The following ACADM variants were observed in gnomAD, a reference collection of about 807,000 sequenced individuals.
The protein encoded by ACADM is medium-chain specific acyl-CoA dehydrogenase, mitochondrial.
In ACADM, 49 loss-of-function variants were observed where a neutral mutation model predicts 58.9. The ratio of observed to expected loss-of-function variants is 0.83; its 90% CI spans 0.66 to 1.06. The LOEUF is 1.06. Ranked by LOEUF, ACADM falls within the 50% of genes least tolerant of loss-of-function variation. ACADM has a pLI of 0.00. For missense variants in ACADM, 496 were observed against 507.0 expected (o/e 0.98, Z 0.21); for synonymous variants, 160 against 157.7 (o/e 1.01, Z -0.11).
chr1:75,739,021 T>A (rs1331489808), intron 6 of ACADM, among the ~76,000 whole-genome samples: 1 of 152,224 alleles, frequency 6.6e-6, no homozygotes, highest in African/African-American at 2.4e-5. Context: ...GTCTTACCAT[T>A]CCCTTACATG....
intron 10 of ACADM, among the ~76,000 whole-genome samples, chr1:75,755,373 G>A (rs1303507030): frequency 6.6e-6 from 1 of 152,182 alleles, no homozygotes; most frequent in Non-Finnish European, 1.5e-5. Flanking sequence ...GGGGCCGATT[G>A]ACACCTCATA....
rs1647088634 is a variant in ACADM at position 75,728,388 on chromosome 1, G to T, written c.31-13G>T. 2 of 1,603,458 alleles carry T rather than the reference G, an allele frequency of 1.2e-6. No individual in the cohort carries two copies. The highest frequency in any genetic ancestry group is 1.7e-6 in the Non-Finnish European group (2 of 1,172,748). ...ACTTATCAAATTTATTTTAATAAAAGTGTTCTTTACAGGTCCTGAGAAGTA... is the reference window on the plus strand; with the variant it reads ...ACTTATCAAATTTATTTTAATAAAATTGTTCTTTACAGGTCCTGAGAAGTA... On this transcript the variant is annotated splice_polypyrimidine_tract_variant and intron_variant, in intron 1 of 11. Transcript: ENST00000370841.
intron 6 of ACADM, among the ~76,000 whole-genome samples, chr1:75,735,200 C>T (rs2100372544): frequency 6.6e-6 from 1 of 151,700 alleles, no homozygotes; most frequent in East Asian, 2.0e-4. Context: ...CCTATAATCC[C>T]AGCTGCTCAG....
intron 3 of ACADM, 26 bp downstream of exon 3, chr1:75,732,767 A>G (rs1424422657): frequency 1.2e-6 from 2 of 1,606,602 alleles, no homozygotes; most frequent in East Asian, 2.2e-5. Flanking sequence ...TTAAAGAGGG[A>G]AAAATCTTTT....
rs1212443202 is a variant in ACADM, at chr1:75,732,912, A to G, written c.276A>G (p.Pro92=). 2.5e-6 allele frequency: 4 copies of G among 1,614,008 alleles called. No individual in the cohort carries two copies. The highest frequency in any genetic ancestry group is 4.5e-5 in the East Asian group (2 of 44,854). Residue 92 remains proline, a synonymous_variant, in exon 4 of 12, where the codon CCA becomes CCG. Coordinates refer to ENST00000370841, the MANE Select transcript of ACADM (RefSeq NM_000016.6). ...TTGGTTTAATGAACACACACATTCC[A>G]GAGAACTGTGGTAAGCTTTCTTTAT... is the stretch of plus-strand genomic sequence containing the variant. ...WELGLMNTHI[P]ENCGGLGLGT... is the part of the protein sequence containing the mutation.
chr1:75,739,901 TA>T, intron 6 of ACADM, 78 bp from the exon 7 acceptor site: 1 of 1,059,750 alleles, frequency 9.4e-7, no homozygotes, highest in Non-Finnish European at 1.3e-6. Context: ...GCTTAAAAAA[TA>T]AAACAATCCT....
chr1:75,729,555 G>A (rs1647114436), intron 2 of ACADM, among the ~76,000 whole-genome samples: 1 of 149,234 alleles, frequency 6.7e-6, no homozygotes, highest in Admixed American at 6.7e-5. Flanking sequence ...CCAGGCTGGT[G>A]TGCAAGTGGC....
chr1:75,753,112 C>T (rs1004926864), intron 10 of ACADM, among the ~76,000 whole-genome samples: 6 of 152,056 alleles, frequency 3.9e-5, no homozygotes, highest in African/African-American at 1.4e-4. Flanking sequence ...TTTTCTTGTT[C>T]TTTTTTTAAC....
chr1:75,740,157 T>A (rs778051215), intron 7 of ACADM, 47 bp downstream of exon 7: 1 of 1,531,026 alleles, frequency 6.5e-7, no homozygotes, highest in Non-Finnish European at 9.0e-7. Flanking sequence ...AATTGTTTTA[T>A]CTTCAAATCT....
Position 75,732,760 on chromosome 1 carries a change from A to C in ACADM, c.216+19A>C, listed in dbSNP as rs764360637. 3.1e-6 allele frequency: 5 copies of C among 1,608,674 alleles called. No individual in the cohort carries two copies. The South Asian group carries it at 5.5e-5, about 18-fold the overall frequency. On this transcript the variant is annotated intron_variant, in intron 3 of 11. Coordinates refer to ENST00000370841, the MANE Select transcript of ACADM (RefSeq NM_000016.6). ...TGGTGAAGTAGGTATATACATTTTA[A>C]AGAGGGAAAAATCTTTTACATTTTT...
In ACADM at chr1:75,761,754, C is replaced by T. The variant is rs1376618018; in HGVS notation, c.1194+384C>T. The T allele has an allele frequency of 2.2e-5, 5 of 229,260 alleles. No individual in the cohort carries two copies. In the Admixed American group the frequency reaches 2.6e-4, roughly 12 times the overall value. The allele number at this position is 229,260 out of a possible 1,614,324, so 14.2% of individuals were successfully genotyped here. A position where few individuals can be genotyped will look rare whatever the true frequency, so the allele number is the denominator to read the frequency against. On this transcript the variant is annotated intron_variant, in intron 11 of 11. Transcript: ENST00000370841. Reference sequence around the variant, plus strand: ...AATTTATTGTAACTATACTTGGAGTCAAAAACCAACATCAGGAGACAGTGA... The same window carrying T: ...AATTTATTGTAACTATACTTGGAGTTAAAAACCAACATCAGGAGACAGTGA...
chr1:75,740,126 C>T lies in ACADM; in HGVS notation c.599+16C>T. ...AAGCTAATTGGTATGTTGTTCAAAA[C>T]ATCTTTGTATATTTTTTCTTAATTG... On this transcript the variant is annotated intron_variant, in intron 7 of 11. Transcript: ENST00000370841. 1.9e-6 allele frequency: 3 copies of T among 1,602,432 alleles called. No homozygotes were observed. Among genetic ancestry groups the T allele is most frequent in the Non-Finnish European group, 2.6e-6 (3 of 1,171,614 alleles).
chr1:75,756,422 C>CAT, intron 10 of ACADM, among the ~76,000 whole-genome samples: 1 of 85,520 alleles, frequency 1.2e-5, no homozygotes, highest in Non-Finnish European at 2.5e-5. Flanking sequence ...ACACCAACAA[C>CAT]ACACAGAGAG....
intron 2 of ACADM, among the ~76,000 whole-genome samples, chr1:75,730,263 C>T (rs991453045): frequency 1.3e-5 from 2 of 152,112 alleles, no homozygotes; most frequent in East Asian, 1.9e-4. Context: ...ATTTCTCTCT[C>T]AGTAGTAAGA....
chr1:75,730,115 G>T (rs979990046), intron 2 of ACADM, among the ~76,000 whole-genome samples: 1 of 152,000 alleles, frequency 6.6e-6, no homozygotes, highest in African/African-American at 2.4e-5. Context: ...CGCTGGTCTC[G>T]AACTCCTGGC....
rs1236244233 is a variant in ACADM, at chr1:75,762,885, A to C, written c.*122A>C. The C allele has an allele frequency of 1.5e-5, 10 of 650,914 alleles. No homozygotes were observed. The highest frequency in any genetic ancestry group is 2.5e-5 in the Non-Finnish European group (9 of 366,408). The allele number at this position is 650,914 out of a possible 1,614,324, so 40.3% of individuals were successfully genotyped here. ...AATCCTCTTATATTAAATCTAAGCAACTGCTTATTATAGTAGTTTATACTT... is the reference window on the plus strand; with the variant it reads ...AATCCTCTTATATTAAATCTAAGCACCTGCTTATTATAGTAGTTTATACTT... On this transcript the variant is annotated 3_prime_UTR_variant, in exon 12 of 12. Coordinates refer to ENST00000370841, the MANE Select transcript of ACADM (RefSeq NM_000016.6).
chr1:75,762,807 T>C lies in ACADM; in HGVS notation c.*44T>C, dbSNP rs374993494. The C allele has an allele frequency of 1.5e-4, 186 of 1,220,556 alleles. 1 individual carries two copies. Among genetic ancestry groups the C allele is most frequent in the Non-Finnish European group, 2.0e-4 (170 of 837,720 alleles). 75.6% of individuals were successfully genotyped at this position (1,220,556 alleles called of 1,614,324 possible). On this transcript the variant is annotated 3_prime_UTR_variant, in exon 12 of 12. Transcript: ENST00000370841. ...ATTGAATAACTAGAACACAAGCCAC[T>C]GTTTCAGCTCCAGAAAAAAGAAAGG... is the stretch of plus-strand genomic sequence containing the variant.
intron 5 of ACADM, among the ~76,000 whole-genome samples, chr1:75,734,365 C>CG (rs1647204011): frequency 6.8e-6 from 1 of 147,150 alleles, no homozygotes; most frequent in Non-Finnish European, 1.5e-5. Context: ...TTAGTAGAGA[C>CG]GGGGTGTCAC....
At chr1:75,744,423 T>A in intron 7 of ACADM, 1 of 1,489,460 alleles carries the variant, frequency 6.7e-7, no homozygotes, top group Non-Finnish European at 9.4e-7. Flanking sequence ...TGCCATTTGC[T>A]GGTGATGGAA....
Sources: gnomAD v4.1 joint callset for allele counts (sites outside exome capture counted in the v4.1 genomes callset) on GRCh38, gnomAD v4.1.1 for gene constraint, MANE v1.5 for transcripts, NCBI Gene and HGNC (gene_info 2026-07-23, HGNC 2026-07-21) for gene names.